AUTS2: variants seen among roughly 807,000 people sequenced by gnomAD.
AUTS2 encodes the protein activator of transcription and developmental regulator AUTS2, also known as autism susceptibility gene 2 protein.
A neutral mutation model predicts 112.4 loss-of-function variants in AUTS2; 17 were observed. The ratio of observed to expected loss-of-function variants is 0.15; its 90% CI spans 0.10 to 0.23. The LOEUF is 0.23. Ranked by LOEUF, AUTS2 falls within the 10% of genes least tolerant of loss-of-function variation. The pLI is 1.00. For missense variants in AUTS2, 1,510 were observed against 1,701.6 expected, an observed-to-expected ratio of 0.89 and a Z score of 1.98; for synonymous variants, 751 against 702.7, an observed-to-expected ratio of 1.07 and a Z score of -1.09.
chr7:70,548,153 TC>T (rs1800865821), intron 5 of AUTS2, among the ~76,000 whole-genome samples: 1 of 152,112 alleles, frequency 6.6e-6, no homozygotes, highest in Admixed American at 6.6e-5. Context: ...CCGCACCCCA[TC>T]CCTCCCCGAA....
At chr7:69,872,864 A>T (rs1171269864) in intron 1 of AUTS2, among the ~76,000 whole-genome samples, 1 of 79,046 alleles carries the variant, frequency 1.3e-5, no homozygotes, top group Admixed American at 1.5e-4. Context: ...TTTTTTTGAG[A>T]CAGAGTCTCA....
At chr7:70,584,967 C>G (rs891981159) in intron 5 of AUTS2, among the ~76,000 whole-genome samples, 1 of 152,234 alleles carries the variant, frequency 6.6e-6, no homozygotes, top group Non-Finnish European at 1.5e-5. Context: ...AGCTCAGTGT[C>G]TGATTTCTTT....
intron 4 of AUTS2, among the ~76,000 whole-genome samples, chr7:70,187,802 G>A (rs1027090685): frequency 7.5e-5 from 10 of 133,172 alleles, no homozygotes; most frequent in African/African-American, 1.8e-4. Flanking sequence ...TTTTTGAGAC[G>A]GAGTCACTAG....
intron 4 of AUTS2, among the ~76,000 whole-genome samples, chr7:70,349,210 C>G (rs1791640538): frequency 6.6e-6 from 1 of 152,304 alleles, no homozygotes; most frequent in South Asian, 2.1e-4. Flanking sequence ...AGACACTCCT[C>G]TTCCTGGGTC....
chr7:69,695,271 G>A (rs548963132), intron 1 of AUTS2, among the ~76,000 whole-genome samples: 56 of 152,234 alleles, frequency 3.7e-4, no homozygotes, highest in African/African-American at 1.3e-3. Context: ...CAAGGCCGCC[G>A]TGAACTGTGA....
At chr7:70,606,046 A>C (rs1803740999) in intron 5 of AUTS2, among the ~76,000 whole-genome samples, 1 of 152,156 alleles carries the variant, frequency 6.6e-6, no homozygotes, top group Non-Finnish European at 1.5e-5. Flanking sequence ...CAGAAAATTC[A>C]CTTCTTGGAG....
chr7:70,574,044 T>A, intron 5 of AUTS2, among the ~76,000 whole-genome samples: 1 of 152,136 alleles, frequency 6.6e-6, no homozygotes, highest in Non-Finnish European at 1.5e-5. Flanking sequence ...GCTTCTACCA[T>A]GGCGTTTTCC....
At chr7:70,685,820 A>G (rs917651023) in intron 5 of AUTS2, among the ~76,000 whole-genome samples, 2 of 152,228 alleles carry the variant, frequency 1.3e-5, no homozygotes, top group African/African-American at 2.4e-5. Flanking sequence ...CGTTTCCCAC[A>G]GTGGTTGTTT....
At chr7:70,779,601 GCT>G (rs1035844746) in intron 14 of AUTS2, among the ~76,000 whole-genome samples, 79 of 152,202 alleles carry the variant, frequency 5.2e-4, no homozygotes, top group African/African-American at 1.8e-3. Context: ...CTCACGCCAT[GCT>G]CTGTCAATAT....
chr7:70,158,023 G>A (rs1366040228), intron 4 of AUTS2, among the ~76,000 whole-genome samples: 1 of 152,120 alleles, frequency 6.6e-6, no homozygotes, highest in East Asian at 1.9e-4. Flanking sequence ...CCTGATTTAT[G>A]TAAAGTTGTA....
intron 1 of AUTS2, among the ~76,000 whole-genome samples, chr7:69,795,031 C>T (rs1789779385): frequency 6.6e-6 from 1 of 152,142 alleles, no homozygotes; most frequent in South Asian, 2.1e-4. Flanking sequence ...CTTTTTAAAT[C>T]TCATTTTCCT....
At chr7:69,661,067 G>A (rs1407107539) in intron 1 of AUTS2, among the ~76,000 whole-genome samples, 16 of 152,206 alleles carry the variant, frequency 1.1e-4, no homozygotes, top group Admixed American at 1.0e-3. Flanking sequence ...TTGGCGGCAA[G>A]TCTTTTGCCC....
Position 70,118,135 on chromosome 7 carries a change from A to C in AUTS2, c.526A>C (p.Lys176Gln), listed in dbSNP as rs1283293610. The change falls in exon 3 of 19, where the codon AAG becomes CAG. Residue 176 changes from lysine to glutamine, a missense_variant. Coordinates refer to ENST00000342771, the MANE Select transcript of AUTS2 (RefSeq NM_015570.4). ...TTCTCTTTTCTTTTGCCTTTAGCTC[A>C]AGCCAGGACAGAACAGCTGCAGGGA... The part of the protein sequence containing the change: ...KKMPKALRQL[K>Q]PGQNSCRDSD... The C allele has an allele frequency of 1.3e-6, 2 of 1,581,048 alleles. No individual in the cohort carries two copies. The highest frequency in any genetic ancestry group is 2.8e-5 in the African/African-American group (2 of 72,158).
At chr7:70,696,112 A>G (rs1809083462) in intron 5 of AUTS2, among the ~76,000 whole-genome samples, 1 of 152,212 alleles carries the variant, frequency 6.6e-6, no homozygotes, top group African/African-American at 2.4e-5. Context: ...AAACATCCCC[A>G]AGATTCAGAC....
At chr7:70,207,386 C>T (rs1810625755) in intron 4 of AUTS2, among the ~76,000 whole-genome samples, 1 of 152,130 alleles carries the variant, frequency 6.6e-6, no homozygotes, top group Admixed American at 6.6e-5. Context: ...CTGCACTAAA[C>T]TGTTTTCCTT....
chr7:69,729,149 G>A (rs544520328), intron 1 of AUTS2, among the ~76,000 whole-genome samples: 16 of 151,980 alleles, frequency 1.1e-4, no homozygotes, highest in African/African-American at 3.9e-4. Context: ...ACAAGAAAGA[G>A]CTTTGATACT....
intron 5 of AUTS2, among the ~76,000 whole-genome samples, chr7:70,651,892 A>G (rs1806526771): frequency 6.6e-6 from 1 of 152,222 alleles, no homozygotes; most frequent in Non-Finnish European, 1.5e-5. Context: ...AGAAATGCAC[A>G]GAAAAAGAAT....
chr7:70,552,428 C>A (rs1416855547), intron 5 of AUTS2, among the ~76,000 whole-genome samples: 1 of 152,116 alleles, frequency 6.6e-6, no homozygotes, highest in African/African-American at 2.4e-5. Flanking sequence ...TGAACCCAAT[C>A]AGAGGCAAAG....
intron 4 of AUTS2, among the ~76,000 whole-genome samples, chr7:70,386,966 A>G (rs1793639208): frequency 6.6e-6 from 1 of 152,096 alleles, no homozygotes; most frequent in Non-Finnish European, 1.5e-5. Context: ...CTTTTCTCTA[A>G]GGTGGATGCC....
Sources: gnomAD v4.1 joint callset for allele counts (sites outside exome capture counted in the v4.1 genomes callset) on GRCh38, gnomAD v4.1.1 for gene constraint, MANE v1.5 for transcripts, NCBI Gene and HGNC (gene_info 2026-07-23, HGNC 2026-07-21) for gene names.